Variants in PHGDH observed in about 807,000 individuals in gnomAD.
The protein encoded by PHGDH is D-3-phosphoglycerate dehydrogenase.
In PHGDH, 50 loss-of-function variants were observed where a neutral mutation model predicts 52.6. The observed-to-expected ratio is 0.95, with a 90% CI of 0.76 to 1.20. PHGDH has a LOEUF of 1.20. PHGDH is among the 50% of genes most tolerant of loss of function. The pLI, the probability that PHGDH is intolerant of heterozygous loss-of-function variation, is 0.00. For synonymous variants in PHGDH, 271 were observed against 280.5 expected (o/e 0.97, Z 0.34); for missense variants, 630 against 684.6 (o/e 0.92, Z 0.89).
rs1651454984 is a variant in PHGDH, at chr1:119,726,996, G to T, written c.412-8G>T. ...TCAGCTTCTTTCCTTTTGCCTGTTTGGTTGCAGTTCATGGGAACAGAGCTG... is the reference window on the plus strand; with the variant it reads ...TCAGCTTCTTTCCTTTTGCCTGTTTTGTTGCAGTTCATGGGAACAGAGCTG... On this transcript the variant is annotated splice_region_variant and splice_polypyrimidine_tract_variant and intron_variant, in intron 4 of 11. Transcript: ENST00000641023. 1.2e-6 allele frequency: 2 copies of T among 1,612,012 alleles called. No individual in the cohort carries two copies. The highest frequency in any genetic ancestry group is 2.2e-5 in the South Asian group (2 of 91,036).
chr1:119,726,773 G>A, intron 3 of PHGDH, 78 bp from the exon 4 acceptor site: 1 of 1,182,790 alleles, frequency 8.5e-7, no homozygotes, highest in Non-Finnish European at 1.3e-6. Context: ...CAGTGACTGT[G>A]CAAACCTGAT....
chr1:119,716,824 C>T (rs1304475808), intron 1 of PHGDH, among the ~76,000 whole-genome samples: 2 of 152,096 alleles, frequency 1.3e-5, no homozygotes, highest in African/African-American at 4.8e-5. Flanking sequence ...TGTGCTTACC[C>T]ACCCACTGCC....
At chr1:119,721,342 G>A (rs587735112) in intron 2 of PHGDH, 21 bp downstream of exon 2, 2 of 1,610,762 alleles carry the variant, frequency 1.2e-6, no homozygotes, top group African/African-American at 1.3e-5. Context: ...GAGGCTGCGG[G>A]CGGTTTGGGG....
At chr1:119,723,013 G>A (rs1337238527) in intron 2 of PHGDH, among the ~76,000 whole-genome samples, 1 of 152,150 alleles carries the variant, frequency 6.6e-6, no homozygotes, top group Non-Finnish European at 1.5e-5. Flanking sequence ...GGAGCAGCAG[G>A]GAATTTGTGC....
At chr1:119,740,812 G>C (rs980449186) in intron 9 of PHGDH, among the ~76,000 whole-genome samples, 2 of 152,198 alleles carry the variant, frequency 1.3e-5, no homozygotes, top group Admixed American at 1.3e-4. Flanking sequence ...AGTTTCATGC[G>C]AGAGGTCGTA....
chr1:119,728,810 C>G (rs1651566786), intron 5 of PHGDH, among the ~76,000 whole-genome samples: 1 of 152,176 alleles, frequency 6.6e-6, no homozygotes, highest in Admixed American at 6.5e-5. Flanking sequence ...GCCAGGAAGT[C>G]TTTAAACATT....
chr1:119,714,089 G>C (rs587626905), intron 1 of PHGDH, among the ~76,000 whole-genome samples: 1 of 152,154 alleles, frequency 6.6e-6, no homozygotes, highest in Non-Finnish European at 1.5e-5. Flanking sequence ...CAGCTTTCTT[G>C]TCTGTCTTTG....
chr1:119,713,650 G>A (rs1200772311), intron 1 of PHGDH, among the ~76,000 whole-genome samples: 1 of 152,152 alleles, frequency 6.6e-6, no homozygotes. Flanking sequence ...AGGATTGGAC[G>A]GGTGGCAGGC....
intron 1 of PHGDH, chr1:119,715,894 T>C (rs1650911460): frequency 6.6e-6 from 1 of 152,310 alleles, no homozygotes; most frequent in Non-Finnish European, 1.5e-5. Flanking sequence ...ACTGGAGAAG[T>C]TTTAATCGCA....
intron 7 of PHGDH, 42 bp from the exon 8 acceptor site, chr1:119,737,072 C>A (rs1200397441): frequency 1.9e-6 from 3 of 1,610,504 alleles, no homozygotes; most frequent in Non-Finnish European, 2.5e-6. Flanking sequence ...AGGGTGTGGC[C>A]AGTCCATGGC....
intron 7 of PHGDH, among the ~76,000 whole-genome samples, chr1:119,736,614 G>A (rs900170940): frequency 6.6e-6 from 1 of 152,218 alleles, no homozygotes; most frequent in Non-Finnish European, 1.5e-5. Flanking sequence ...AGTTACCTGC[G>A]TGGAGTGTCT....
chr1:119,734,408 T>C, intron 5 of PHGDH: 1 of 546,234 alleles, frequency 1.8e-6, no homozygotes. Flanking sequence ...CATCATTGTG[T>C]GGTCATGAGA....
In PHGDH at chr1:119,737,265, T is replaced by C. The variant is rs1269944905; in HGVS notation, c.944T>C (p.Val315Ala). ...DMVKGKSLTG[V>A]VNAQALTSAF... ...GTGAAGGGGAAATCTCTCACGGGGG[T>C]TGTAAGTATCACCACCTGGGGCTGG... Residue 315 changes from valine (V) to alanine (A), a missense_variant and splice_region_variant, in exon 8 of 12, where the codon GTT becomes GCT. Transcript: ENST00000641023. The C allele has an allele frequency of 1.9e-6, 3 of 1,611,868 alleles. No individual in the cohort carries two copies. Among genetic ancestry groups the C allele is most frequent in the Non-Finnish European group, 1.7e-6 (2 of 1,178,452 alleles).
intron 1 of PHGDH, among the ~76,000 whole-genome samples, chr1:119,717,927 G>A (rs1285701504): frequency 3.3e-5 from 5 of 152,130 alleles, no homozygotes; most frequent in Admixed American, 3.3e-4. Flanking sequence ...ACTGATGAGG[G>A]TGGTTTCTAC....
At chr1:119,737,291 G>A (rs1651985663) in intron 8 of PHGDH, 25 bp downstream of exon 8, 4 of 1,602,692 alleles carry the variant, frequency 2.5e-6, no homozygotes, top group East Asian at 4.5e-5. Flanking sequence ...CTGGGGCTGG[G>A]GGCCAGGAGT....
rs587733574 is a variant in PHGDH, at chr1:119,730,447, C to T, written c.510+3345C>T. On this transcript the variant is annotated intron_variant, in intron 5 of 11. Transcript: ENST00000641023. ...TACCATCTGAACCCTAGTCTCCTCA[C>T]GGTAAACATCAGTTTAGCATGTCAT... 1.8e-3 allele frequency among the ~76,000 whole-genome samples: 278 copies of T among 152,318 alleles called. 1 individual carries two copies. The highest frequency in any genetic ancestry group is 5.6e-3 in the African/African-American group (232 of 41,568).
At chr1:119,712,826 C>G (rs1650760192) in intron 1 of PHGDH, among the ~76,000 whole-genome samples, 1 of 152,212 alleles carries the variant, frequency 6.6e-6, no homozygotes, top group African/African-American at 2.4e-5. Flanking sequence ...GCTTTCGCCG[C>G]CCCTCTGCCT....
intron 4 of PHGDH, 26 bp downstream of exon 4, chr1:119,726,931 ACCTGGG>A: frequency 6.2e-7 from 1 of 1,612,632 alleles, no homozygotes; most frequent in African/African-American, 1.3e-5. Flanking sequence ...GACTCGCCCC[ACCTGGG>A]CTCAGGGCCC....
intron 7 of PHGDH, 21 bp from the exon 8 acceptor site, chr1:119,737,093 G>C: frequency 6.2e-7 from 1 of 1,613,526 alleles, no homozygotes; most frequent in Non-Finnish European, 8.5e-7. Context: ...AGCCAACTTA[G>C]AGGTATCTCT....
Sources: gnomAD v4.1 joint callset for allele counts (sites outside exome capture counted in the v4.1 genomes callset) on GRCh38, gnomAD v4.1.1 for gene constraint, MANE v1.5 for transcripts, NCBI Gene and HGNC (gene_info 2026-07-23, HGNC 2026-07-21) for gene names.